The following MGAT4C variants were observed in gnomAD, a reference collection of about 807,000 sequenced individuals.
The protein encoded by MGAT4C is MGAT4 family member C.
A neutral mutation model predicts 40.1 loss-of-function variants in MGAT4C; 19 were observed. The ratio of observed to expected loss-of-function variants is 0.47; its 90% CI spans 0.33 to 0.70. The LOEUF is 0.70. Ranked by LOEUF, MGAT4C falls within the 30% of genes least tolerant of loss-of-function variation. The pLI, the probability that MGAT4C is intolerant of heterozygous loss-of-function variation, is 0.02. For missense variants in MGAT4C, 491 were observed against 563.2 expected (o/e 0.87, Z 1.30); for synonymous variants, 181 against 187.1 (o/e 0.97, Z 0.27).
rs1882771998 is a variant in MGAT4C at position 85,955,971 on chromosome 12, T to C, written c.*23318A>G. On this transcript the variant is annotated 3_prime_UTR_variant, in exon 5 of 5. Coordinates refer to ENST00000611864, the MANE Select transcript of MGAT4C (RefSeq NM_001351288.2). ...TACACTTGTTAGGGCACAGAGAATA[T>C]TGGTATTTTTGATGAAATTAAGTCC... is the stretch of plus-strand genomic sequence containing the variant. 6.6e-6 allele frequency: 1 copy of C among 152,210 alleles called. No homozygotes were observed. Among genetic ancestry groups the C allele is most frequent in the Non-Finnish European group, 1.5e-5 (1 of 68,020 alleles). 9.4% of individuals were successfully genotyped at this position (152,210 alleles called of 1,614,324 possible).
intron 1 of MGAT4C, among the ~76,000 whole-genome samples, chr12:86,180,494 A>C (rs949172782): frequency 1.3e-5 from 2 of 152,200 alleles, no homozygotes; most frequent in Non-Finnish European, 2.9e-5. Flanking sequence ...ACTCAATGCC[A>C]GCCCATGAAA....
intron 2 of MGAT4C, among the ~76,000 whole-genome samples, chr12:86,020,922 G>T (rs1254840129): frequency 6.6e-6 from 1 of 152,112 alleles, no homozygotes; most frequent in Non-Finnish European, 1.5e-5. Flanking sequence ...CAAAAAGTGG[G>T]CAGAGGATAT....
chr12:86,378,841 C>T (rs1955878354), intron 3 of MGAT4C, among the ~76,000 whole-genome samples: 1 of 152,000 alleles, frequency 6.6e-6, no homozygotes, highest in African/African-American at 2.4e-5. Context: ...AATGAAGTCC[C>T]AGGAAGTATC....
chr12:86,433,461 T>C (rs1014992815), intron 3 of MGAT4C, among the ~76,000 whole-genome samples: 1 of 151,984 alleles, frequency 6.6e-6, no homozygotes, highest in Non-Finnish European at 1.5e-5. Context: ...TGTAGCTTGC[T>C]GCATGTGCCT....
At chr12:85,989,187 A>C (rs1885595019) in intron 3 of MGAT4C, among the ~76,000 whole-genome samples, 1 of 152,062 alleles carries the variant, frequency 6.6e-6, no homozygotes, top group Admixed American at 6.5e-5. Flanking sequence ...TGGAGCACAA[A>C]ATATACACCA....
At chr12:86,743,355 C>T (rs1290392969) in intron 1 of MGAT4C, among the ~76,000 whole-genome samples, 1 of 151,464 alleles carries the variant, frequency 6.6e-6, no homozygotes, top group East Asian at 1.9e-4. Flanking sequence ...AATTGCAATG[C>T]ATACTTCAGT....
chr12:86,035,741 G>A (rs1453538822), intron 2 of MGAT4C, among the ~76,000 whole-genome samples: 1 of 149,798 alleles, frequency 6.7e-6, no homozygotes, highest in East Asian at 1.9e-4. Context: ...TCCATCTTGG[G>A]TTAATTTTTA....
At position 86,606,207 on chromosome 12, in the gene MGAT4C, C is replaced by A. The variant is rs567101051; in HGVS notation, c.-229+121002G>T. On this transcript the variant is annotated intron_variant, in intron 2 of 7. Coordinates refer to the MGAT4C transcript ENST00000548651. ...CATGGGGATTATGGGAATTACAATTCGTGATGAGATTTGGGTGGGGATGCA... is the reference window on the plus strand; with the variant it reads ...CATGGGGATTATGGGAATTACAATTAGTGATGAGATTTGGGTGGGGATGCA... Among the ~76,000 whole-genome samples the A allele has an allele frequency of 5.3e-5, 8 of 152,066 alleles. No individual in the cohort carries two copies. The South Asian group carries it at 1.7e-3, about 32-fold the overall frequency.
At chr12:86,561,783 C>A (rs1565850163) in intron 2 of MGAT4C, among the ~76,000 whole-genome samples, 1 of 152,074 alleles carries the variant, frequency 6.6e-6, no homozygotes, top group Admixed American at 6.6e-5. Flanking sequence ...TCTAGAAAAC[C>A]CTGACTAATA....
intron 4 of MGAT4C, among the ~76,000 whole-genome samples, chr12:86,269,020 ATATATATAT>A (rs1566246036): frequency 0.031 from 366 of 11,766 alleles, 16 homozygotes; most frequent in African/African-American, 0.09. Flanking sequence ...TTACATATAT[ATATATATAT>A]ATATATATAT....
intron 3 of MGAT4C, among the ~76,000 whole-genome samples, chr12:86,409,365 G>A (rs896835408): frequency 6.6e-6 from 1 of 152,096 alleles, no homozygotes; most frequent in South Asian, 2.1e-4. Flanking sequence ...ATTTATAGAA[G>A]CTGTGAAAGT....
At chr12:86,008,024 A>T (rs1459060476) in intron 2 of MGAT4C, among the ~76,000 whole-genome samples, 4 of 89,660 alleles carry the variant, frequency 4.5e-5, no homozygotes, top group Non-Finnish European at 1.3e-4. Flanking sequence ...ATATGTCTCT[A>T]TTTATTTTTC....
intron 2 of MGAT4C, among the ~76,000 whole-genome samples, chr12:86,437,429 C>T (rs1395077300): frequency 6.6e-5 from 10 of 151,596 alleles, no homozygotes; most frequent in South Asian, 2.1e-4. Flanking sequence ...TGTTGACGTC[C>T]CCCTCTCTAA....
At chr12:86,832,948 G>A (rs1001634045) in intron 1 of MGAT4C, among the ~76,000 whole-genome samples, 6 of 151,762 alleles carry the variant, frequency 4.0e-5, no homozygotes, top group South Asian at 2.1e-4. Context: ...TTCATATATC[G>A]TTTTAACACT....
intron 1 of MGAT4C, among the ~76,000 whole-genome samples, chr12:86,782,171 ATTTTTTT>A (rs57791582): frequency 1.4e-3 from 55 of 40,286 alleles, no homozygotes; most frequent in South Asian, 4.2e-3. Flanking sequence ...TGTTTTTTGT[ATTTTTTT>A]TTTTTTTTTT....
At chr12:86,405,718 T>C (rs1469163800) in intron 3 of MGAT4C, among the ~76,000 whole-genome samples, 1 of 151,466 alleles carries the variant, frequency 6.6e-6, no homozygotes, top group Non-Finnish European at 1.5e-5. Context: ...ATATAATATA[T>C]AGCTGCAGTA....
chr12:86,010,974 C>G (rs1021778837), intron 2 of MGAT4C, among the ~76,000 whole-genome samples: 1 of 152,106 alleles, frequency 6.6e-6, no homozygotes, highest in Non-Finnish European at 1.5e-5. Context: ...GAGGCCCTCA[C>G]CAGAAGCCAC....
At chr12:86,817,706 ACTT>A (rs1220932854) in intron 1 of MGAT4C, among the ~76,000 whole-genome samples, 3 of 151,592 alleles carry the variant, frequency 2.0e-5, no homozygotes, top group Non-Finnish European at 3.0e-5. Flanking sequence ...CTTGACAATG[ACTT>A]CTTCTGCAAA....
chr12:86,387,337 T>C (rs972513595), intron 3 of MGAT4C, among the ~76,000 whole-genome samples: 3 of 152,128 alleles, frequency 2.0e-5, no homozygotes, highest in African/African-American at 7.2e-5. Flanking sequence ...CATCCTCTGT[T>C]TTCTATTATT....
Sources: gnomAD v4.1 joint callset for allele counts (sites outside exome capture counted in the v4.1 genomes callset) on GRCh38, gnomAD v4.1.1 for gene constraint, MANE v1.5 for transcripts, NCBI Gene and HGNC (gene_info 2026-07-23, HGNC 2026-07-21) for gene names.